Variants in RIPOR3 observed in about 807,000 individuals in gnomAD.
RIPOR3 encodes the protein family with sequence similarity 65 member C.
RIPOR3 carries 95 observed loss-of-function variants against 114.3 expected under a neutral mutation model. The ratio of observed to expected loss-of-function variants is 0.83; its 90% CI spans 0.70 to 0.99. The LOEUF is 0.99. RIPOR3 is among the 50% of genes least tolerant of loss of function. RIPOR3 has a pLI of 0.00. For synonymous variants in RIPOR3, 575 were observed against 543.8 expected (o/e 1.06, Z -0.80); for missense variants, 1,252 against 1,266.9 (o/e 0.99, Z 0.18).
At chr20:50,667,286 C>CTTTTTTTT (rs139859156) in intron 1 of RIPOR3, among the ~76,000 whole-genome samples, 1 of 67,540 alleles carries the variant, frequency 1.5e-5, no homozygotes, top group Non-Finnish European at 2.8e-5. Context: ...CTTTAAACTA[C>CTTTTTTTT]TTTTTTTTTT....
chr20:50,675,028 T>A (rs924087574), intron 1 of RIPOR3, among the ~76,000 whole-genome samples: 8 of 152,166 alleles, frequency 5.3e-5, no homozygotes, highest in African/African-American at 1.4e-4. Flanking sequence ...CAGTGAGCTA[T>A]GATCAGGCCA....
intron 1 of RIPOR3, among the ~76,000 whole-genome samples, chr20:50,670,080 C>T (rs1286798531): frequency 6.6e-6 from 1 of 151,036 alleles, no homozygotes; most frequent in East Asian, 1.9e-4. Context: ...TCACTTGAAC[C>T]CGGGAGGCGG....
At chr20:50,595,081 A>AC (rs1279529149) in intron 16 of RIPOR3, 1 of 499,050 alleles carries the variant, frequency 2.0e-6, no homozygotes, top group Non-Finnish European at 3.6e-6. Context: ...ACCTCACTGA[A>AC]CCCCGTGCAG....
At chr20:50,610,179 C>T (rs868189387) in intron 6 of RIPOR3, among the ~76,000 whole-genome samples, 2 of 133,148 alleles carry the variant, frequency 1.5e-5, no homozygotes, top group Non-Finnish European at 1.8e-5. Flanking sequence ...GTCTCACCTG[C>T]CTCTCCTGCC....
At chr20:50,607,319 G>C (rs188296899) in intron 11 of RIPOR3, among the ~76,000 whole-genome samples, 1 of 152,222 alleles carries the variant, frequency 6.6e-6, no homozygotes, top group African/African-American at 2.4e-5. Context: ...CCAGGCGAGC[G>C]CATGGGAGCA....
chr20:50,605,665 C>T (rs1236912594), intron 11 of RIPOR3, among the ~76,000 whole-genome samples: 3 of 151,812 alleles, frequency 2.0e-5, no homozygotes, highest in Admixed American at 6.6e-5. Context: ...GTAGTCCCAG[C>T]TACTCAGGAG....
rs1219324261 is a variant in RIPOR3, at chr20:50,587,890, G to T, written c.2664C>A (p.Gly888=). 5 of 1,614,062 alleles carry T rather than the reference G, an allele frequency of 3.1e-6. No homozygotes were observed. Among genetic ancestry groups the T allele is most frequent in the Non-Finnish European group, 4.2e-6 (5 of 1,180,022 alleles). ...AACLALKHLK[G]IESIDQTASL... is the part of the protein sequence containing the mutation. ...TGGCAGTCTGGTCGATGCTTTCAAT[G>T]CCCTGTTCGAGATTAGGAGAAAAAG... The change falls in exon 21 of 22, where the codon GGC becomes GGA. Residue 888 remains glycine, a splice_region_variant and synonymous_variant. Coordinates refer to ENST00000327979, the MANE Select transcript of RIPOR3 (RefSeq NM_001290268.2).
intron 1 of RIPOR3, among the ~76,000 whole-genome samples, chr20:50,687,564 T>C (rs543013173): frequency 6.6e-6 from 1 of 152,304 alleles, no homozygotes; most frequent in South Asian, 2.1e-4. Context: ...CGAGTACATA[T>C]ATTTGCATAT....
At chr20:50,612,393 C>CT (rs2084008817) in intron 4 of RIPOR3, among the ~76,000 whole-genome samples, 2 of 152,032 alleles carry the variant, frequency 1.3e-5, no homozygotes, top group Admixed American at 6.6e-5. Context: ...TTTAAAAAAA[C>CT]TCTTGTTTTT....
intron 4 of RIPOR3, among the ~76,000 whole-genome samples, chr20:50,613,695 T>C (rs2123102888): frequency 6.6e-6 from 1 of 152,254 alleles, no homozygotes; most frequent in African/African-American, 2.4e-5. Flanking sequence ...CATACAAGTA[T>C]TTATACTCTT....
intron 3 of RIPOR3, among the ~76,000 whole-genome samples, chr20:50,619,105 G>A (rs768170532): frequency 6.6e-6 from 1 of 152,002 alleles, no homozygotes; most frequent in Non-Finnish European, 1.5e-5. Context: ...CCAGCTACTC[G>A]GTAGGCTGAG....
rs1223203737 is a variant in RIPOR3, at chr20:50,594,594, T to C, written c.2171A>G (p.Gln724Arg). The change falls in exon 17 of 22, where the codon CAG becomes CGG. Residue 724 changes from glutamine to arginine, a missense_variant. Coordinates refer to ENST00000327979, the MANE Select transcript of RIPOR3 (RefSeq NM_001290268.2). Reference protein sequence around the residue: ...TLLNQLKKTFQHRVRGKYPGQ... With the variant: ...TLLNQLKKTFRHRVRGKYPGQ... ...TGGGTACTTCCCTCTGACTCTGTGC[T>C]GGAAGGTTTTCTTGAGCTGGTTCAG... 2 of 1,613,970 alleles carry C rather than the reference T, an allele frequency of 1.2e-6. No homozygotes were observed. Among genetic ancestry groups the C allele is most frequent in the Non-Finnish European group, 1.7e-6 (2 of 1,180,012 alleles).
At chr20:50,641,823 G>A (rs553272918) in intron 1 of RIPOR3, among the ~76,000 whole-genome samples, 2 of 152,322 alleles carry the variant, frequency 1.3e-5, no homozygotes, top group Non-Finnish European at 2.9e-5. Flanking sequence ...AGACAGAGCC[G>A]CTGGAAGTGC....
intron 12 of RIPOR3, among the ~76,000 whole-genome samples, chr20:50,604,038 CA>C (rs1189555395): frequency 3.9e-5 from 6 of 152,056 alleles, no homozygotes; most frequent in Admixed American, 2.6e-4. Flanking sequence ...GAAAATTAGC[CA>C]GATGTGGTGG....
At chr20:50,643,148 A>G (rs1227832821) in intron 1 of RIPOR3, among the ~76,000 whole-genome samples, 4 of 139,576 alleles carry the variant, frequency 2.9e-5, no homozygotes, top group Admixed American at 2.2e-4. Flanking sequence ...TTTGAGATGG[A>G]GTCTCGCTCT....
At chr20:50,685,329 G>A (rs2123632523) in intron 1 of RIPOR3, among the ~76,000 whole-genome samples, 1 of 148,322 alleles carries the variant, frequency 6.7e-6, no homozygotes, top group African/African-American at 2.5e-5. Flanking sequence ...CGATTCTCCT[G>A]CCTCAGCCTC....
chr20:50,593,788 G>A (rs1215693321), intron 17 of RIPOR3, among the ~76,000 whole-genome samples: 2 of 152,146 alleles, frequency 1.3e-5, no homozygotes, highest in East Asian at 1.9e-4. Flanking sequence ...TCAACAAGCA[G>A]TCCAGGTGGT....
In RIPOR3 at chr20:50,669,183, A is replaced by G. The variant is rs984005157; in HGVS notation, c.3+21943T>C. On this transcript the variant is annotated intron_variant, in intron 1 of 21. Coordinates refer to ENST00000327979, the MANE Select transcript of RIPOR3 (RefSeq NM_001290268.2). ...TGCATGCTCACACATGCACATACACACTCCCCTCTTCACCCAGCCACCCCG... is the reference window on the plus strand; with the variant it reads ...TGCATGCTCACACATGCACATACACGCTCCCCTCTTCACCCAGCCACCCCG... Among the ~76,000 whole-genome samples, 15 of 150,304 alleles carry G rather than the reference A, an allele frequency of 1.0e-4. No individual in the cohort carries two copies. In the South Asian group the frequency reaches 1.1e-3, roughly 11 times the overall value.
rs746841186 is a variant in RIPOR3, at chr20:50,595,361, C to G, written c.2050+8G>C. 7.5e-6 allele frequency: 12 copies of G among 1,610,616 alleles called. No homozygotes were observed. The Admixed American group carries it at 1.3e-4, about 18-fold the overall frequency. ...TAGGCAGCCCCTGGGTGGCAGGCAG[C>G]TACTTACTCTCTTCAATGGATGTTG... On this transcript the variant is annotated splice_region_variant and intron_variant, in intron 16 of 21. Coordinates refer to ENST00000327979, the MANE Select transcript of RIPOR3 (RefSeq NM_001290268.2).
Sources: gnomAD v4.1 joint callset for allele counts (sites outside exome capture counted in the v4.1 genomes callset) on GRCh38, gnomAD v4.1.1 for gene constraint, MANE v1.5 for transcripts, NCBI Gene and HGNC (gene_info 2026-07-23, HGNC 2026-07-21) for gene names.